MKLN1: variants seen among roughly 807,000 people sequenced by gnomAD.
MKLN1 encodes the protein muskelin.
In MKLN1, 18 loss-of-function variants were observed where a neutral mutation model predicts 99.0. That is an observed-to-expected ratio of 0.18 (90% CI 0.13 to 0.27). The LOEUF is 0.27. Ranked by LOEUF, MKLN1 falls within the 10% of genes least tolerant of loss-of-function variation. The pLI is 1.00. For missense variants in MKLN1, 621 were observed against 875.9 expected, an observed-to-expected ratio of 0.71 and a Z score of 3.67; for synonymous variants, 288 against 293.2, an observed-to-expected ratio of 0.98 and a Z score of 0.18.
At chr7:131,479,518 A>G (rs1443022752) in intron 17 of MKLN1, among the ~76,000 whole-genome samples, 2 of 151,738 alleles carry the variant, frequency 1.3e-5, no homozygotes, top group Non-Finnish European at 2.9e-5. Context: ...TGACAGAGAG[A>G]AAGACTGTCT....
At chr7:131,342,871 G>A (rs1244537054) in intron 1 of MKLN1, among the ~76,000 whole-genome samples, 2 of 152,144 alleles carry the variant, frequency 1.3e-5, no homozygotes, top group Non-Finnish European at 2.9e-5. Context: ...CTATATAGTG[G>A]TATTATGGCT....
chr7:131,376,125 TATATATATATGTATG>T (rs1230041154), intron 2 of MKLN1, among the ~76,000 whole-genome samples: 68 of 338 alleles, frequency 0.2, no homozygotes, highest in African/African-American at 0.37. Flanking sequence ...TATATATATA[TATATATATATGTATG>T]ATGTATGTAT....
chr7:131,452,795 C>T (rs943090242), intron 12 of MKLN1, among the ~76,000 whole-genome samples: 2 of 151,972 alleles, frequency 1.3e-5, no homozygotes, highest in African/African-American at 4.8e-5. Context: ...GTGATCCGCC[C>T]GCCTCGGCCT....
chr7:131,162,214 G>C (rs548372306), intron 2 of MKLN1, among the ~76,000 whole-genome samples: 1 of 151,624 alleles, frequency 6.6e-6, no homozygotes, highest in Non-Finnish European at 1.5e-5. Flanking sequence ...CACCAAGCCC[G>C]GCTAATTTTT....
intron 16 of MKLN1, 98 bp downstream of exon 16, chr7:131,471,042 C>G (rs925207200): frequency 2.6e-6 from 2 of 761,032 alleles, no homozygotes; most frequent in East Asian, 5.5e-5. Context: ...TAAAGGAAAA[C>G]GAAGAAAATA....
chr7:131,305,789 C>T (rs1798455506), intron 3 of MKLN1, among the ~76,000 whole-genome samples: 1 of 152,134 alleles, frequency 6.6e-6, no homozygotes, highest in Admixed American at 6.6e-5. Flanking sequence ...CACAGCCTTT[C>T]CATAAATATA....
At chr7:131,124,321 C>T (rs187107445) in intron 1 of MKLN1, among the ~76,000 whole-genome samples, 114 of 152,254 alleles carry the variant, frequency 7.5e-4, no homozygotes, top group Non-Finnish European at 1.3e-3. Context: ...TATAGAAACC[C>T]GCAAACCTGG....
At chr7:131,486,208 T>C (rs1347941975) in intron 17 of MKLN1, among the ~76,000 whole-genome samples, 1 of 151,458 alleles carries the variant, frequency 6.6e-6, no homozygotes, top group Non-Finnish European at 1.5e-5. Context: ...TTTCTGTGGG[T>C]TTGAAATTTT....
chr7:131,270,064 C>A (rs769602925), intron 3 of MKLN1, among the ~76,000 whole-genome samples: 75 of 151,800 alleles, frequency 4.9e-4, no homozygotes, highest in Non-Finnish European at 8.7e-4. Context: ...GCTGGGACTA[C>A]AGGCATTGCC....
chr7:131,466,211 C>A (rs1007357891), intron 14 of MKLN1, 65 bp from the exon 15 acceptor site: 76 of 1,238,654 alleles, frequency 6.1e-5, no homozygotes, highest in Non-Finnish European at 8.3e-5. Flanking sequence ...CTGTTATGCA[C>A]TGCTACTAGA....
chr7:131,244,746 C>A (rs903916237), intron 3 of MKLN1, among the ~76,000 whole-genome samples: 19 of 152,070 alleles, frequency 1.2e-4, no homozygotes, highest in African/African-American at 4.6e-4. Flanking sequence ...TTTGGCATGT[C>A]CCCCTGTGTT....
chr7:131,156,510 T>C (rs2116300604), intron 2 of MKLN1, among the ~76,000 whole-genome samples: 1 of 150,948 alleles, frequency 6.6e-6, no homozygotes, highest in African/African-American at 2.4e-5. Context: ...TATGTCAAAT[T>C]TGGAATCTTC....
intron 16 of MKLN1, among the ~76,000 whole-genome samples, chr7:131,472,767 G>A (rs980320430): frequency 1.3e-5 from 2 of 151,916 alleles, no homozygotes; most frequent in Non-Finnish European, 2.9e-5. Context: ...TGGCTAATGC[G>A]ATGAAACCCC....
intron 12 of MKLN1, among the ~76,000 whole-genome samples, chr7:131,451,522 A>G (rs1796177327): frequency 6.6e-6 from 1 of 152,058 alleles, no homozygotes; most frequent in Non-Finnish European, 1.5e-5. Flanking sequence ...GTTGCTCTTT[A>G]TAATTATCTG....
chr7:131,254,539 G>C (rs1797628881), intron 3 of MKLN1, among the ~76,000 whole-genome samples: 1 of 152,034 alleles, frequency 6.6e-6, no homozygotes, highest in African/African-American at 2.4e-5. Context: ...GCTTAAAGAA[G>C]TAAAGGAAGG....
At chr7:131,178,002 A>C (rs1701437995) in intron 2 of MKLN1, among the ~76,000 whole-genome samples, 4 of 152,222 alleles carry the variant, frequency 2.6e-5, no homozygotes. Flanking sequence ...TGGCTCCTGC[A>C]GCTCTAGCCA....
intron 1 of MKLN1, among the ~76,000 whole-genome samples, chr7:131,114,671 T>G (rs1795247397): frequency 6.6e-6 from 1 of 152,108 alleles, no homozygotes; most frequent in Non-Finnish European, 1.5e-5. Flanking sequence ...TGTGGCCAGC[T>G]GCAGTGGCTC....
chr7:131,293,244 C>G (rs1267756694), intron 3 of MKLN1, among the ~76,000 whole-genome samples: 1 of 152,164 alleles, frequency 6.6e-6, no homozygotes, highest in Non-Finnish European at 1.5e-5. Context: ...CTGACCAGCT[C>G]CTAGTCAACT....
At chr7:131,203,732 T>C (rs1796763961) in intron 3 of MKLN1, among the ~76,000 whole-genome samples, 1 of 152,204 alleles carries the variant, frequency 6.6e-6, no homozygotes. Context: ...GCCCTGCTCC[T>C]GCCTGGAGAG....
Sources: gnomAD v4.1 joint callset for allele counts (sites outside exome capture counted in the v4.1 genomes callset) on GRCh38, gnomAD v4.1.1 for gene constraint, MANE v1.5 for transcripts, NCBI Gene and HGNC (gene_info 2026-07-23, HGNC 2026-07-21) for gene names.